Variants in ZFC3H1 observed in about 807,000 individuals in gnomAD.
ZFC3H1 encodes the protein zinc finger C3H1-type containing, also known as zinc finger C3H1 domain-containing protein.
A neutral mutation model predicts 243.7 loss-of-function variants in ZFC3H1; 71 were observed. That is an observed-to-expected ratio of 0.29 (90% CI 0.24 to 0.36). ZFC3H1 has a LOEUF of 0.36. ZFC3H1 is among the 10% of genes least tolerant of loss of function. ZFC3H1 has a pLI of 1.00. For synonymous variants in ZFC3H1, 838 were observed against 813.0 expected (o/e 1.03, Z -0.52); for missense variants, 1,966 against 2,317.1 (o/e 0.85, Z 3.11).
At position 71,630,827 on chromosome 12, in the gene ZFC3H1, G is replaced by T; in HGVS notation, c.3598C>A (p.Gln1200Lys). Residue 1200 changes from glutamine (Q) to lysine (K), a missense_variant, in exon 17 of 35, where the codon CAA becomes AAA. Transcript: ENST00000378743. The stretch of plus-strand genomic sequence containing the variant: ...ATGTTCACAAAAACTACTCACCATT[G>T]ACAATCATCATCATTACATGTTCCT... ...LTGTCNDDDC[Q>K]WQHIQDYTLS... is the part of the protein sequence containing the mutation. The T allele has an allele frequency of 6.2e-7, 1 of 1,611,624 alleles. No homozygotes were observed. Among genetic ancestry groups the T allele is most frequent in the South Asian group, 1.1e-5 (1 of 90,516 alleles).
chr12:71,630,580 A>T lies in ZFC3H1; in HGVS notation c.3724+20T>A. 6.3e-7 allele frequency: 1 copy of T among 1,595,174 alleles called. No homozygotes were observed. The highest frequency in any genetic ancestry group is 1.8e-5 in the Admixed American group (1 of 54,672). ...TAAATTCAATTTTCATTTGGGAGAG[A>T]ATAGGAAGTCTTTAAAAACCTGCTG... On this transcript the variant is annotated intron_variant, in intron 18 of 34. Transcript: ENST00000378743.
chr12:71,649,656 C>A (rs934364545), intron 2 of ZFC3H1, among the ~76,000 whole-genome samples: 1 of 152,036 alleles, frequency 6.6e-6, no homozygotes, highest in African/African-American at 2.4e-5. Context: ...AAAATGATCA[C>A]GCTTTTAAAA....
At chr12:71,645,617 T>A (rs929319035) in intron 3 of ZFC3H1, among the ~76,000 whole-genome samples, 1 of 152,190 alleles carries the variant, frequency 6.6e-6, no homozygotes. Flanking sequence ...GAAAAATCTA[T>A]AGAGATTTGC....
intron 21 of ZFC3H1, 69 bp downstream of exon 21, chr12:71,627,682 G>C (rs1415479173): frequency 1.2e-5 from 18 of 1,457,842 alleles, no homozygotes; most frequent in Middle Eastern, 3.6e-4. Context: ...GATTACCATA[G>C]GTAAAAAAAC....
At chr12:71,615,963 T>C (rs1353691946) in intron 27 of ZFC3H1, among the ~76,000 whole-genome samples, 2 of 152,122 alleles carry the variant, frequency 1.3e-5, no homozygotes, top group African/African-American at 4.8e-5. Flanking sequence ...TATCTGAAAT[T>C]TTCCAATGAA....
intron 10 of ZFC3H1, 113 bp from the exon 11 acceptor site, chr12:71,634,938 C>T: frequency 1.7e-6 from 2 of 1,203,348 alleles, no homozygotes; most frequent in Non-Finnish European, 2.2e-6. Flanking sequence ...TTTAGAAATA[C>T]CTGAATGTCA....
chr12:71,646,703 C>T (rs919862818), intron 3 of ZFC3H1, among the ~76,000 whole-genome samples: 5 of 152,176 alleles, frequency 3.3e-5, no homozygotes, highest in African/African-American at 4.8e-5. Flanking sequence ...CAAACTACCT[C>T]AGCCTTCCAG....
rs199957989 is a variant in ZFC3H1, at chr12:71,663,300, T to G, written c.311A>C (p.Tyr104Ser). 6.2e-7 allele frequency: 1 copy of G among 1,613,276 alleles called. No homozygotes were observed. Among genetic ancestry groups the G allele is most frequent in the Admixed American group, 1.7e-5 (1 of 60,012 alleles). The change falls in exon 1 of 35, where the codon TAC (tyrosine) becomes TCC (serine). Residue 104 changes from tyrosine to serine, a missense_variant. By Grantham distance (144) the Tyr-to-Ser change is moderately radical. Transcript: ENST00000378743. ...ERGHLRGPSS[Y>S]RPKEPFRSHP... ...AGACCGGAACGGTTCTTTGGGTCGG[T>G]AGCTGCTGGGTCCCCTGAGGTGGCC...
intron 1 of ZFC3H1, among the ~76,000 whole-genome samples, chr12:71,661,908 C>T (rs1310469063): frequency 1.3e-5 from 2 of 152,194 alleles, no homozygotes; most frequent in Non-Finnish European, 2.9e-5. Flanking sequence ...TTCCTTGCCC[C>T]TTTTACATCA....
intron 26 of ZFC3H1, 60 bp from the exon 27 acceptor site, chr12:71,619,469 A>T (rs969719119): frequency 2.0e-6 from 3 of 1,506,160 alleles, no homozygotes; most frequent in Non-Finnish European, 2.7e-6. Context: ...TTAAAATGTC[A>T]CGAGGGAGAA....
intron 28 of ZFC3H1, 102 bp from the exon 29 acceptor site, chr12:71,615,040 CCTT>C (rs1358377112): frequency 2.5e-6 from 3 of 1,208,594 alleles, no homozygotes; most frequent in Admixed American, 1.9e-5. Flanking sequence ...ACAATAGAAT[CCTT>C]CTTTTGACCT....
At chr12:71,662,640 C>T (rs1476824078) in intron 1 of ZFC3H1, among the ~76,000 whole-genome samples, 9 of 152,242 alleles carry the variant, frequency 5.9e-5, no homozygotes, top group Middle Eastern at 3.4e-3. Context: ...ATTACTTAAA[C>T]TGTTTATGAA....
intron 31 of ZFC3H1, among the ~76,000 whole-genome samples, chr12:71,612,251 G>A (rs1211520459): frequency 6.6e-6 from 1 of 151,856 alleles, no homozygotes; most frequent in Non-Finnish European, 1.5e-5. Flanking sequence ...AGTATGATCA[G>A]TCTTGAATGT....
rs781071202 is a variant in ZFC3H1, at chr12:71,663,297, C to A, written c.314G>T (p.Arg105Leu). 1.9e-6 allele frequency: 3 copies of A among 1,613,450 alleles called. No individual in the cohort carries two copies. In the East Asian group the frequency reaches 6.7e-5, roughly 36 times the overall value. The change falls in exon 1 of 35, where the codon CGA becomes CTA. Residue 105 changes from arginine (R) to leucine (L), a missense_variant. Transcript: ENST00000378743. ...ATGAGACCGGAACGGTTCTTTGGGT[C>A]GGTAGCTGCTGGGTCCCCTGAGGTG... ...RGHLRGPSSY[R>L]PKEPFRSHPP...
At position 71,619,986 on chromosome 12, in the gene ZFC3H1, A is replaced by C. The variant is rs766337423; in HGVS notation, c.4989T>G (p.Phe1663Leu). 5 of 1,606,594 alleles carry C rather than the reference A, an allele frequency of 3.1e-6. No homozygotes were observed. Among genetic ancestry groups the C allele is most frequent in the Non-Finnish European group, 3.4e-6 (4 of 1,175,454 alleles). ...CCTCTGCATTCTGAGGATTTTTTTCAAATGCAGTAAGCCACACTGCTCTGG... is the reference window on the plus strand; with the variant it reads ...CCTCTGCATTCTGAGGATTTTTTTCCAATGCAGTAAGCCACACTGCTCTGG... ...DKARAVWLTAFEKNPQNAEVF... is the reference protein window; with the variant it reads ...DKARAVWLTALEKNPQNAEVF... Residue 1663 changes from phenylalanine to leucine, a missense_variant, in exon 26 of 35, where the codon TTT becomes TTG. Physicochemically the swap from Phe to Leu is conservative, Grantham distance 22 (BLOSUM62 0). This residue lies in a region of ZFC3H1 where 1,383 missense variants were observed against 1,723.7 expected (regional missense o/e 0.80). Transcript: ENST00000378743.
intron 19 of ZFC3H1, among the ~76,000 whole-genome samples, 159 bp from the exon 20 acceptor site, chr12:71,629,196 A>G (rs1303235801): frequency 6.8e-6 from 1 of 147,974 alleles, no homozygotes; most frequent in East Asian, 2.0e-4. Flanking sequence ...TCACTCTGTC[A>G]CCCAGGCTGG....
In ZFC3H1 at chr12:71,611,768, A is replaced by C; in HGVS notation, c.5729+18T>G. 1 of 1,570,014 alleles carries C rather than the reference A, an allele frequency of 6.4e-7. No homozygotes were observed. Among genetic ancestry groups the C allele is most frequent in the Non-Finnish European group, 8.7e-7 (1 of 1,144,796 alleles). On this transcript the variant is annotated intron_variant, in intron 32 of 34. Coordinates refer to ENST00000378743, the MANE Select transcript of ZFC3H1 (RefSeq NM_144982.5). ...AAAAGCAATAGCTATAAAAACATGTACATGATTGTTGCATTACATTTTCCA... is the reference window on the plus strand; with the variant it reads ...AAAAGCAATAGCTATAAAAACATGTCCATGATTGTTGCATTACATTTTCCA...
chr12:71,637,437 A>G (rs1050665685), intron 7 of ZFC3H1, among the ~76,000 whole-genome samples: 3 of 152,178 alleles, frequency 2.0e-5, no homozygotes, highest in African/African-American at 4.8e-5. Context: ...CCAAGACATA[A>G]TATTTCAGTA....
In ZFC3H1 at chr12:71,663,467, C is replaced by CCCG. The variant is rs748135526; in HGVS notation, c.141_143dup (p.Gly48dup). ...GCCTTCGCCGCGGATAGGGTAACAGCCCGCCGCCGCTGCTGCTGCTGCTGC... is the reference window on the plus strand; with the variant it reads ...GCCTTCGCCGCGGATAGGGTAACAGCCCGCCGCCGCCGCTGCTGCTGCTGCTGC... On this transcript the variant is annotated inframe_insertion, in exon 1 of 35. Coordinates refer to ENST00000378743, the MANE Select transcript of ZFC3H1 (RefSeq NM_144982.5). The CCCG allele has an allele frequency of 4.3e-6, 7 of 1,612,574 alleles. No individual in the cohort carries two copies. Among genetic ancestry groups the CCCG allele is most frequent in the African/African-American group, 1.3e-5 (1 of 74,962 alleles).
Sources: gnomAD v4.1 joint callset for allele counts (sites outside exome capture counted in the v4.1 genomes callset) on GRCh38, gnomAD v4.1.1 for gene constraint, gnomAD v4.1.1 regional missense constraint, MANE v1.5 for transcripts, NCBI Gene and HGNC (gene_info 2026-07-23, HGNC 2026-07-21) for gene names.